The following ATP12A variants were observed in gnomAD, a reference collection of about 807,000 sequenced individuals.
ATP12A encodes the protein ATPase H+/K+ transporting non-gastric alpha2 subunit, also known as potassium-transporting ATPase alpha chain 2.
A neutral mutation model predicts 111.2 loss-of-function variants in ATP12A; 81 were observed. The ratio of observed to expected loss-of-function variants is 0.73; its 90% CI spans 0.61 to 0.88. ATP12A has a LOEUF of 0.88. Among genes scored for constraint, ATP12A ranks in the 40% least tolerant of loss-of-function variants. The probability of loss-of-function intolerance (pLI) is 0.00; values close to 1 mark genes in which losing one functional copy is unlikely to be tolerated. For synonymous variants in ATP12A, 498 were observed against 499.8 expected, an observed-to-expected ratio of 1.00 and a Z score of 0.05; for missense variants, 1,196 against 1,313.1, an observed-to-expected ratio of 0.91 and a Z score of 1.38.
chr13:24,691,309 G>C lies in ATP12A; in HGVS notation c.1068+59G>C. 4 of 1,536,858 alleles carry C rather than the reference G, an allele frequency of 2.6e-6. No homozygotes were observed. In the South Asian group the frequency reaches 5.0e-5, roughly 19 times the overall value. On this transcript the variant is annotated intron_variant, in intron 8 of 22. Transcript: ENST00000381946. ...CCCTGTGGACACAGCACTGGTGCTG[G>C]GGAGGCGCCCACACAAACTGCAATC...
At chr13:24,690,258 G>A in intron 5 of ATP12A, 80 bp from the exon 6 acceptor site, 1 of 1,570,058 alleles carries the variant, frequency 6.4e-7, no homozygotes, top group South Asian at 1.2e-5. Flanking sequence ...CTCTGTCCTG[G>A]GGTTCGGTGC....
chr13:24,709,553 G>T (rs989650231), intron 18 of ATP12A, 66 bp downstream of exon 18: 3 of 1,598,618 alleles, frequency 1.9e-6, no homozygotes, highest in Non-Finnish European at 2.6e-6. Flanking sequence ...GGAGTGGGGG[G>T]CACAGCCAGA....
At chr13:24,699,489 G>A (rs114078355) in intron 12 of ATP12A, among the ~76,000 whole-genome samples, 3,749 of 152,306 alleles carry the variant, frequency 0.025, 154 homozygotes, top group African/African-American at 0.085. Flanking sequence ...AAAGGGATGG[G>A]AATTTTTTCA....
At chr13:24,692,333 T>C in intron 8 of ATP12A, 96 bp from the exon 9 acceptor site, 1 of 1,348,078 alleles carries the variant, frequency 7.4e-7, no homozygotes, top group Non-Finnish European at 1.0e-6. Context: ...AGCTCTCTCC[T>C]AAAATTCAAT....
Position 24,700,762 on chromosome 13 carries a change from A to G in ATP12A, c.1721A>G (p.Tyr574Cys), listed in dbSNP as rs547730341. The change falls in exon 13 of 23, where the codon TAC (tyrosine) becomes TGC (cysteine). Residue 574 changes from tyrosine to cysteine, a missense_variant. By Grantham distance (194) the Tyr-to-Cys change is radical (BLOSUM62 -2). Transcript: ENST00000381946. Reference sequence around the variant, plus strand: ...TGTATTACAGGTTTCTGTCATCTCTACCTGCCAGCAGACGAGTTTCCAGAA... The same window carrying G: ...TGTATTACAGGTTTCTGTCATCTCTGCCTGCCAGCAGACGAGTTTCCAGAA... ...GERVLGFCHL[Y>C]LPADEFPETY... The G allele has an allele frequency of 4.0e-5, 65 of 1,613,728 alleles. No homozygotes were observed. In the South Asian group the frequency reaches 6.8e-4, roughly 17 times the overall value.
intron 17 of ATP12A, among the ~76,000 whole-genome samples, chr13:24,708,949 GAAAGAAAGAAA>G (rs1566078337): frequency 2.8e-5 from 4 of 140,456 alleles, no homozygotes; most frequent in African/African-American, 8.0e-5. Context: ...AAGAAAGAAA[GAAAGAAAGAAA>G]GAAGGAAAGA....
intron 14 of ATP12A, 59 bp from the exon 15 acceptor site, chr13:24,706,254 C>A: frequency 6.3e-7 from 1 of 1,584,658 alleles, no homozygotes; most frequent in Non-Finnish European, 8.6e-7. Flanking sequence ...CTGCCTGGAA[C>A]AGTGTTTCAA....
intron 11 of ATP12A, among the ~76,000 whole-genome samples, chr13:24,695,950 A>G (rs1488871084): frequency 1.3e-5 from 2 of 152,168 alleles, no homozygotes; most frequent in African/African-American, 4.8e-5. Context: ...CTTTGTGGAT[A>G]GTGAGCCAAC....
At position 24,711,343 on chromosome 13, in the gene ATP12A, C is replaced by T. The variant is rs770597940; in HGVS notation, c.3025C>T (p.Pro1009Ser). Residue 1009 changes from proline (P) to serine (S), a missense_variant, in exon 22 of 23, where the codon CCG (proline) becomes TCG (serine). Around this residue, in one of 3 missense-constraint regions of ATP12A, gnomAD observed 1,126 missense variants for 1,228.5 expected, o/e 0.92. Transcript: ENST00000381946. The stretch of plus-strand genomic sequence containing the variant: ...GGCTCAGTACTGGTTTGTGGCTGTG[C>T]CGCACGCCATCCTGATCTGGGTGTA... ...LRAQYWFVAV[P>S]HAILIWVYDE... The T allele has an allele frequency of 1.2e-6, 2 of 1,605,146 alleles. No homozygotes were observed. Among genetic ancestry groups the T allele is most frequent in the African/African-American group, 2.7e-5 (2 of 74,822 alleles).
intron 5 of ATP12A, among the ~76,000 whole-genome samples, chr13:24,689,600 G>A (rs1874796215): frequency 1.3e-5 from 2 of 152,204 alleles, no homozygotes; most frequent in African/African-American, 4.8e-5. Flanking sequence ...GGCATCTTCT[G>A]TTCCTGCTCC....
chr13:24,711,940 A>G lies in ATP12A; in HGVS notation c.*418A>G, dbSNP rs1156360410. ...CATGACCTCCCTAAGATTTCTGCAG[A>G]TCCCCTGAGAAGGTATGTTTTCATG... On this transcript the variant is annotated 3_prime_UTR_variant, in exon 23 of 23. Coordinates refer to ENST00000381946, the MANE Select transcript of ATP12A (RefSeq NM_001676.7). 1 of 220,268 alleles carries G rather than the reference A, an allele frequency of 4.5e-6. No homozygotes were observed. The highest frequency in any genetic ancestry group is 5.2e-5 in the Admixed American group (1 of 19,138). 13.6% of individuals were successfully genotyped at this position (220,268 alleles called of 1,614,324 possible). A position where few individuals can be genotyped will look rare whatever the true frequency, so the allele number is the denominator to read the frequency against.
chr13:24,692,823 C>T lies in ATP12A; in HGVS notation c.1304C>T (p.Ser435Phe). Residue 435 changes from serine to phenylalanine, a missense_variant, in exon 10 of 23, where the codon TCC becomes TTC. Physicochemically the swap from Ser to Phe is radical, Grantham distance 155 (BLOSUM62 -2). Coordinates refer to ENST00000381946, the MANE Select transcript of ATP12A (RefSeq NM_001676.7). ...VFDQSSRTWA[S>F]LSKIITLCNR... ...GACCAAAGCTCTAGGACTTGGGCCT[C>T]CTTATCCAAGATAATAACATTGTGT... is the stretch of plus-strand genomic sequence containing the variant. 6.2e-7 allele frequency: 1 copy of T among 1,614,204 alleles called. No individual in the cohort carries two copies. The highest frequency in any genetic ancestry group is 8.5e-7 in the Non-Finnish European group (1 of 1,180,036).
chr13:24,708,964 G>GGAAGGAAGGAAGGAAGAAAGAAAGAAA (rs1566078418), intron 17 of ATP12A, among the ~76,000 whole-genome samples: 1 of 114,732 alleles, frequency 8.7e-6, no homozygotes, highest in Non-Finnish European at 1.9e-5. Context: ...AAAGAAAGAA[G>GGAAGGAAGGAAGGAAGAAAGAAAGAAA]GAAAGAGAAA....
At chr13:24,681,136 T>G (rs913434713) in intron 1 of ATP12A, among the ~76,000 whole-genome samples, 1 of 152,034 alleles carries the variant, frequency 6.6e-6, no homozygotes. Flanking sequence ...GCTTAGTGGG[T>G]GCCTCCTCCC....
rs929839272 is a variant in ATP12A at position 24,694,714 on chromosome 13, A to G, written c.1512+136A>G. On this transcript the variant is annotated intron_variant, in intron 11 of 22. Coordinates refer to ENST00000381946, the MANE Select transcript of ATP12A (RefSeq NM_001676.7). ...GTCGTCAGGGATACAGCACCCAGGC[A>G]TCTGGTCCCCTAGGTCAAGCTCCCT... 8.3e-6 allele frequency: 11 copies of G among 1,328,306 alleles called. No individual in the cohort carries two copies. The African/African-American group carries it at 1.3e-4, about 16-fold the overall frequency. The allele number at this position is 1,328,306 out of a possible 1,614,324, so 82.3% of individuals were successfully genotyped here. A position where few individuals can be genotyped will look rare whatever the true frequency, so the allele number is the denominator to read the frequency against.
At position 24,709,722 on chromosome 13, in the gene ATP12A, C is replaced by T; in HGVS notation, c.2657C>T (p.Thr886Ile). 3.1e-6 allele frequency: 5 copies of T among 1,614,208 alleles called. No homozygotes were observed. Among genetic ancestry groups the T allele is most frequent in the Non-Finnish European group, 4.2e-6 (5 of 1,180,040 alleles). The change falls in exon 19 of 23, where the codon ACC (threonine) becomes ATC (isoleucine). Residue 886 changes from threonine to isoleucine, a missense_variant. By Grantham distance (89) the Thr-to-Ile change is moderately conservative. This residue lies in a region of ATP12A where 1,126 missense variants were observed against 1,228.5 expected (regional missense o/e 0.92). Coordinates refer to ENST00000381946, the MANE Select transcript of ATP12A (RefSeq NM_001676.7). ...QALGAFLVYF[T>I]VYAQEGFLPR... ...CTGGGAGCTTTCCTTGTGTATTTCA[C>T]CGTCTATGCACAAGAGGGCTTTCTG...
intron 5 of ATP12A, 86 bp from the exon 6 acceptor site, chr13:24,690,252 G>C: frequency 1.9e-6 from 3 of 1,564,030 alleles, no homozygotes; most frequent in Non-Finnish European, 2.6e-6. Context: ...CAAGGCCTCT[G>C]TCCTGGGGTT....
chr13:24,699,834 G>A (rs1424028047), intron 12 of ATP12A, among the ~76,000 whole-genome samples: 4 of 152,162 alleles, frequency 2.6e-5, no homozygotes, highest in Admixed American at 6.5e-5. Context: ...TTGACGATCC[G>A]GCTCATTAAA....
At position 24,692,433 on chromosome 13, in the gene ATP12A, C is replaced by T. The variant is rs772620660; in HGVS notation, c.1073C>T (p.Thr358Ile). ...PEGLLATVTV[T>I]LSLTAKRMAK... Reference sequence around the variant, plus strand: ...CGTCCTTCCCTCTCCTGCTAGGTGACCCTGTCGCTGACAGCAAAACGGATG... The same window carrying T: ...CGTCCTTCCCTCTCCTGCTAGGTGATCCTGTCGCTGACAGCAAAACGGATG... The change falls in exon 9 of 23, where the codon ACC (threonine) becomes ATC (isoleucine). Residue 358 changes from threonine (T) to isoleucine (I), a missense_variant. By Grantham distance (89) the Thr-to-Ile change is moderately conservative (BLOSUM62 -1). Around this residue, in one of 3 missense-constraint regions of ATP12A, gnomAD observed 1,126 missense variants for 1,228.5 expected, o/e 0.92. Transcript: ENST00000381946. 1 of 1,613,576 alleles carries T rather than the reference C, an allele frequency of 6.2e-7. No homozygotes were observed. Among genetic ancestry groups the T allele is most frequent in the Non-Finnish European group, 8.5e-7 (1 of 1,180,022 alleles).
Sources: gnomAD v4.1 joint callset for allele counts (sites outside exome capture counted in the v4.1 genomes callset) on GRCh38, gnomAD v4.1.1 for gene constraint, gnomAD v4.1.1 regional missense constraint, MANE v1.5 for transcripts, NCBI Gene and HGNC (gene_info 2026-07-23, HGNC 2026-07-21) for gene names.